Variants in MYOCD observed in about 807,000 individuals in gnomAD.
MYOCD encodes myocardin.
Under a neutral mutation model 96.1 loss-of-function variants are expected in MYOCD, and 32 were observed. The observed-to-expected ratio is 0.33, with a 90% CI of 0.25 to 0.45. The LOEUF is 0.45. Ranked by LOEUF, MYOCD falls within the 20% of genes least tolerant of loss-of-function variation. MYOCD has a pLI of 1.00. For missense variants in MYOCD, 1,133 were observed against 1,200.6 expected (o/e 0.94, Z 0.83); for synonymous variants, 469 against 469.0 (o/e 1.00, Z 0.00).
At chr17:12,757,314 C>G (rs1022578830) in intron 11 of MYOCD, among the ~76,000 whole-genome samples, 2 of 152,082 alleles carry the variant, frequency 1.3e-5, no homozygotes, top group Non-Finnish European at 2.9e-5. Context: ...TACCACAAGT[C>G]GGAAGGGGCA....
intron 10 of MYOCD, 65 bp from the exon 11 acceptor site, chr17:12,756,349 T>TC (rs1387137533): frequency 8.5e-6 from 13 of 1,533,708 alleles, no homozygotes; most frequent in Middle Eastern, 3.3e-4. Context: ...ACCAGAATTG[T>TC]CAGCAAAGGT....
chr17:12,672,089 C>T (rs1909740837), intron 1 of MYOCD: 1 of 152,124 alleles, frequency 6.6e-6, no homozygotes, highest in African/African-American at 2.4e-5. Flanking sequence ...ATTCCCAGGG[C>T]TCTCTGGGCC....
At position 12,714,934 on chromosome 17, in the gene MYOCD, TCA is replaced by T. The variant is rs1320657924; in HGVS notation, c.122-583_122-582del. ...GTGGACCTCAGTTTCCCCATTCTGT[TCA>T]CGGTTGGAGTTAACTTCCCTGTCTC... On this transcript the variant is annotated intron_variant, in intron 2 of 13. Transcript: ENST00000425538. Among the ~76,000 whole-genome samples the T allele has an allele frequency of 3.9e-5, 6 of 152,276 alleles. No homozygotes were observed. In the East Asian group the frequency reaches 1.2e-3, roughly 30 times the overall value.
chr17:12,700,399 AT>A (rs952565560), intron 1 of MYOCD, among the ~76,000 whole-genome samples: 169 of 76,866 alleles, frequency 2.2e-3, no homozygotes, highest in Middle Eastern at 0.012. Flanking sequence ...CAATGGGAGA[AT>A]TTTTTTTTTT....
At chr17:12,761,667 AGGCTGGAGTGCAGT>A (rs1441956296) in intron 13 of MYOCD, 2 of 151,786 alleles carry the variant, frequency 1.3e-5, no homozygotes, top group Non-Finnish European at 2.9e-5. Context: ...CTCTGTCGCC[AGGCTGGAGTGCAGT>A]GGCGGGATCT....
intron 4 of MYOCD, among the ~76,000 whole-genome samples, chr17:12,722,045 G>T (rs941189696): frequency 6.6e-6 from 1 of 152,160 alleles, no homozygotes; most frequent in African/African-American, 2.4e-5. Flanking sequence ...AATAAAATAA[G>T]GGGGCTAAGG....
Position 12,768,188 on chromosome 17 carries a change from G to C in MYOCD, c.*4544G>C, listed in dbSNP as rs1312237800. ...ATAGACACACAGAGCCCAGGTCCTG[G>C]AACAAGACAATCCTGTAGTGCCAAG... On this transcript the variant is annotated 3_prime_UTR_variant, in exon 14 of 14. Transcript: ENST00000425538. The C allele has an allele frequency of 6.6e-6, 1 of 152,092 alleles. No individual in the cohort carries two copies. The highest frequency in any genetic ancestry group is 6.6e-5 in the Admixed American group (1 of 15,264). 9.4% of individuals were successfully genotyped at this position (152,092 alleles called of 1,614,324 possible). A position where few individuals can be genotyped will look rare whatever the true frequency, so the allele number is the denominator to read the frequency against.
rs1347219162 is a variant in MYOCD, at chr17:12,768,779, G to A, written c.*5135G>A. The A allele has an allele frequency of 6.6e-6, 1 of 151,916 alleles. No individual in the cohort carries two copies. Among genetic ancestry groups the A allele is most frequent in the Non-Finnish European group, 1.5e-5 (1 of 67,990 alleles). The allele number at this position is 151,916 out of a possible 1,614,324, so 9.4% of individuals were successfully genotyped here. On this transcript the variant is annotated 3_prime_UTR_variant, in exon 14 of 14. Transcript: ENST00000425538. ...GTTCTCTGTGGGACCTTGTGGAGTG[G>A]TGTTTTCACGTTGGTCTCTTTGGCT...
chr17:12,767,562 C>T lies in MYOCD; in HGVS notation c.*3918C>T, dbSNP rs2033373099. 6.6e-6 allele frequency: 1 copy of T among 151,514 alleles called. No homozygotes were observed. The allele number at this position is 151,514 out of a possible 1,614,324, so 9.4% of individuals were successfully genotyped here. On this transcript the variant is annotated 3_prime_UTR_variant, in exon 14 of 14. Coordinates refer to ENST00000425538, the MANE Select transcript of MYOCD (RefSeq NM_001146312.3). Reference sequence around the variant, plus strand: ...GGAGTTGTATTTGCACATGCAAGAACACTAAGAATCTCCCAGTCCTCAAAC... The same window carrying T: ...GGAGTTGTATTTGCACATGCAAGAATACTAAGAATCTCCCAGTCCTCAAAC...
chr17:12,702,135 G>A (rs1372992971), intron 1 of MYOCD, among the ~76,000 whole-genome samples: 2 of 151,840 alleles, frequency 1.3e-5, no homozygotes, highest in African/African-American at 4.8e-5. Flanking sequence ...TGTTGAGAGA[G>A]GAGTCTTAAA....
At chr17:12,758,411 G>A (rs2033074547) in intron 12 of MYOCD, 198 bp downstream of exon 12, 2 of 791,170 alleles carry the variant, frequency 2.5e-6, no homozygotes, top group South Asian at 3.8e-5. Flanking sequence ...AGGGAGAGAA[G>A]AGGGTCACCT....
intron 2 of MYOCD, among the ~76,000 whole-genome samples, chr17:12,712,954 T>C (rs983235637): frequency 6.6e-6 from 1 of 152,168 alleles, no homozygotes; most frequent in African/African-American, 2.4e-5. Context: ...TTGCTTTTGT[T>C]GGCCTTCATG....
rs753064461 is a variant in MYOCD at position 12,766,687 on chromosome 17, C to G, written c.*3043C>G. The G allele has an allele frequency of 6.6e-6, 1 of 152,130 alleles. No homozygotes were observed. The highest frequency in any genetic ancestry group is 6.5e-5 in the Admixed American group (1 of 15,272). The allele number at this position is 152,130 out of a possible 1,614,324, so 9.4% of individuals were successfully genotyped here. A position where few individuals can be genotyped will look rare whatever the true frequency, so the allele number is the denominator to read the frequency against. ...TGACTAAAAGATGTACAGAGACTTA[C>G]GAAGATGGTCACATTCAAGTTCCCT... is the stretch of plus-strand genomic sequence containing the variant. On this transcript the variant is annotated 3_prime_UTR_variant, in exon 14 of 14. Transcript: ENST00000425538.
intron 6 of MYOCD, among the ~76,000 whole-genome samples, chr17:12,737,858 G>A (rs1036901064): frequency 3.3e-5 from 5 of 152,114 alleles, no homozygotes; most frequent in African/African-American, 1.2e-4. Flanking sequence ...AGCTGCCAAG[G>A]AGAAAAAGTG....
chr17:12,689,944 T>A (rs1450927964), intron 1 of MYOCD, among the ~76,000 whole-genome samples: 2 of 152,096 alleles, frequency 1.3e-5, no homozygotes, highest in Non-Finnish European at 2.9e-5. Flanking sequence ...CATAAATATA[T>A]AAGGACATTT....
At position 12,765,499 on chromosome 17, in the gene MYOCD, T is replaced by C. The variant is rs1234197595; in HGVS notation, c.*1855T>C. 5.9e-5 allele frequency: 9 copies of C among 152,136 alleles called. No individual in the cohort carries two copies. Among genetic ancestry groups the C allele is most frequent in the Non-Finnish European group, 1.2e-4 (8 of 68,016 alleles). 9.4% of individuals were successfully genotyped at this position (152,136 alleles called of 1,614,324 possible). On this transcript the variant is annotated 3_prime_UTR_variant, in exon 14 of 14. Transcript: ENST00000425538. ...CTCTGAAAGCTGCCAGATCTTATTCTGGGGGTGGGATGTGGAGGAATACAC... is the reference window on the plus strand; with the variant it reads ...CTCTGAAAGCTGCCAGATCTTATTCCGGGGGTGGGATGTGGAGGAATACAC...
intron 2 of MYOCD, among the ~76,000 whole-genome samples, chr17:12,709,421 A>C (rs540258349): frequency 6.6e-6 from 1 of 152,326 alleles, no homozygotes; most frequent in East Asian, 1.9e-4. Context: ...TAAAGGCACC[A>C]TCTCTTGACT....
chr17:12,678,769 C>T (rs970083299), intron 1 of MYOCD, among the ~76,000 whole-genome samples: 4 of 152,120 alleles, frequency 2.6e-5, no homozygotes, highest in Non-Finnish European at 5.9e-5. Context: ...GATCTCGGCT[C>T]ACTGCAAGCT....
At chr17:12,756,290 G>A in intron 10 of MYOCD, 124 bp from the exon 11 acceptor site, 1 of 1,149,550 alleles carries the variant, frequency 8.7e-7, no homozygotes, top group South Asian at 1.3e-5. Flanking sequence ...ATCTGGTAAT[G>A]GAATTTAGGA....
Sources: allele counts gnomAD v4.1 joint callset (sites outside exome capture counted in the v4.1 genomes callset), GRCh38; gene constraint gnomAD v4.1.1; transcripts MANE v1.5; gene names NCBI Gene and HGNC (gene_info 2026-07-23, HGNC 2026-07-21).